The following CDCA7L variants were observed in gnomAD, a reference collection of about 807,000 sequenced individuals.
CDCA7L encodes the protein cell division cycle-associated 7-like protein.
CDCA7L carries 44 observed loss-of-function variants against 57.4 expected under a neutral mutation model. That is an observed-to-expected ratio of 0.77 (90% CI 0.60 to 0.98). The LOEUF (loss-of-function observed/expected upper bound fraction) is 0.98. Ranked by LOEUF, CDCA7L falls within the 50% of genes least tolerant of loss-of-function variation. The pLI, the probability that CDCA7L is intolerant of heterozygous loss-of-function variation, is 0.00. For missense variants in CDCA7L, 644 were observed against 580.6 expected, an observed-to-expected ratio of 1.11 and a Z score of -1.12; for synonymous variants, 236 against 202.8, an observed-to-expected ratio of 1.16 and a Z score of -1.39.
chr7:21,902,182 CTTTAACAAAAAATAGTAAT>C lies in CDCA7L; in HGVS notation c.*121_*139del. Reference sequence around the variant, plus strand: ...AAATCTTTGTAAGCATATAAACAATCTTTAACAAAAAATAGTAATTTCTACAAAGAATTTCTGTATAAAA... The same window carrying C: ...AAATCTTTGTAAGCATATAAACAATCTTCTACAAAGAATTTCTGTATAAAA... On this transcript the variant is annotated 3_prime_UTR_variant, in exon 10 of 10. Coordinates refer to ENST00000406877, the MANE Select transcript of CDCA7L (RefSeq NM_018719.5). 1.5e-5 allele frequency: 13 copies of C among 843,232 alleles called. No homozygotes were observed. In the South Asian group the frequency reaches 1.9e-4, roughly 13 times the overall value. The allele number at this position is 843,232 out of a possible 1,614,324, so 52.2% of individuals were successfully genotyped here. A position where few individuals can be genotyped will look rare whatever the true frequency, so the allele number is the denominator to read the frequency against.
chr7:21,917,768 C>A (rs1424801041), intron 1 of CDCA7L, among the ~76,000 whole-genome samples: 1 of 152,188 alleles, frequency 6.6e-6, no homozygotes, highest in African/African-American at 2.4e-5. Context: ...TATTCCCACA[C>A]ATTGATTAAA....
rs759370631 is a variant in CDCA7L at position 21,908,321 on chromosome 7, C to T, written c.490G>A (p.Glu164Lys). 5.6e-6 allele frequency: 9 copies of T among 1,608,674 alleles called. No homozygotes were observed. The highest frequency in any genetic ancestry group is 1.3e-5 in the African/African-American group (1 of 74,270). Residue 164 changes from glutamate to lysine, a missense_variant, in exon 4 of 10, where the codon GAG becomes AAG. Physicochemically the swap from Glu to Lys is moderately conservative, Grantham distance 56. Transcript: ENST00000406877. ...AAGCGTGCGCTAGAAAACAACTGCTCGGAAGAACTGTTTTTATCTGGTTTG... is the reference window on the plus strand; with the variant it reads ...AAGCGTGCGCTAGAAAACAACTGCTTGGAAGAACTGTTTTTATCTGGTTTG... ...ANKPDKNSSS[E>K]QLFSSARLQN... is the part of the protein sequence containing the mutation.
At chr7:21,934,595 T>G (rs1032654976) in intron 1 of CDCA7L, among the ~76,000 whole-genome samples, 1 of 152,166 alleles carries the variant, frequency 6.6e-6, no homozygotes, top group African/African-American at 2.4e-5. Flanking sequence ...TAAATTTAAA[T>G]GTGTTAAACT....
At chr7:21,943,847 G>T (rs576931123) in intron 1 of CDCA7L, among the ~76,000 whole-genome samples, 14 of 152,082 alleles carry the variant, frequency 9.2e-5, no homozygotes, top group African/African-American at 3.1e-4. Context: ...TAACATTTTA[G>T]AACTACCAAA....
intron 1 of CDCA7L, among the ~76,000 whole-genome samples, chr7:21,940,562 G>C (rs1786309406): frequency 6.6e-6 from 1 of 152,180 alleles, no homozygotes; most frequent in African/African-American, 2.4e-5. Context: ...TGTGATCAGG[G>C]AAGTCAGCCC....
intron 1 of CDCA7L, among the ~76,000 whole-genome samples, chr7:21,928,155 A>T (rs1401850214): frequency 6.6e-6 from 1 of 152,100 alleles, no homozygotes; most frequent in African/African-American, 2.4e-5. Context: ...GCAACCTCGC[A>T]AACGGTCTGG....
intron 1 of CDCA7L, among the ~76,000 whole-genome samples, chr7:21,937,181 A>C (rs1426795335): frequency 6.6e-6 from 1 of 152,226 alleles, no homozygotes; most frequent in Non-Finnish European, 1.5e-5. Flanking sequence ...ATGTTCATGG[A>C]TTGGAAGGCT....
chr7:21,903,165 C>CAAGAACTGGG, intron 8 of CDCA7L, 51 bp from the exon 9 acceptor site: 1 of 1,571,064 alleles, frequency 6.4e-7, no homozygotes. Context: ...CAGGGTCTGG[C>CAAGAACTGGG]AAGAACTGGG....
chr7:21,916,691 A>C, intron 2 of CDCA7L, 63 bp downstream of exon 2: 2 of 1,499,224 alleles, frequency 1.3e-6, no homozygotes, highest in Non-Finnish European at 1.8e-6. Context: ...CAAATAAAAG[A>C]ACATCCAAAC....
At chr7:21,928,679 C>G (rs1316694226) in intron 1 of CDCA7L, among the ~76,000 whole-genome samples, 1 of 151,038 alleles carries the variant, frequency 6.6e-6, no homozygotes, top group African/African-American at 2.4e-5. Flanking sequence ...ATAGCCAAAT[C>G]GATCAAGCAG....
At chr7:21,937,464 A>G (rs1786204448) in intron 1 of CDCA7L, among the ~76,000 whole-genome samples, 1 of 151,946 alleles carries the variant, frequency 6.6e-6, no homozygotes, top group Non-Finnish European at 1.5e-5. Flanking sequence ...GTGAAACCCC[A>G]TCTCTACTAA....
chr7:21,916,151 T>C (rs1438655005), intron 2 of CDCA7L, among the ~76,000 whole-genome samples: 2 of 152,114 alleles, frequency 1.3e-5, no homozygotes, highest in Non-Finnish European at 2.9e-5. Flanking sequence ...GAATGAGGAA[T>C]TTTGAGTGCC....
rs764648693 is a variant in CDCA7L at position 21,911,732 on chromosome 7, T to G, written c.188A>C (p.Lys63Thr). The change falls in exon 3 of 10, where the codon AAA (lysine) becomes ACA (threonine). Residue 63 changes from lysine to threonine, a missense_variant. Coordinates refer to ENST00000406877, the MANE Select transcript of CDCA7L (RefSeq NM_018719.5). ...TCTTCTTAGCTCTTCTGTGAAGTATTTGGAATGAAAGCGCACATCCTGCTA... is the reference window on the plus strand; with the variant it reads ...TCTTCTTAGCTCTTCTGTGAAGTATGTGGAATGAAAGCGCACATCCTGCTA... ...GKQQDVRFHS[K>T]YFTEELRRIF... The G allele has an allele frequency of 1.3e-5, 21 of 1,613,080 alleles. No homozygotes were observed. In the South Asian group the frequency reaches 2.0e-4, roughly 15 times the overall value.
intron 1 of CDCA7L, among the ~76,000 whole-genome samples, chr7:21,935,498 C>G (rs944674453): frequency 2.0e-5 from 3 of 151,012 alleles, no homozygotes; most frequent in African/African-American, 7.3e-5. Context: ...CACACCAAAC[C>G]CAAAGTTAGC....
intron 1 of CDCA7L, among the ~76,000 whole-genome samples, chr7:21,924,701 C>G (rs1418816640): frequency 6.6e-6 from 1 of 152,050 alleles, no homozygotes; most frequent in Non-Finnish European, 1.5e-5. Flanking sequence ...TCTTAAGATA[C>G]AACACCAGAT....
chr7:21,900,921 A>G lies in CDCA7L; in HGVS notation c.*1401T>C. The G allele has an allele frequency of 1.4e-6, 2 of 1,435,216 alleles. No individual in the cohort carries two copies. The highest frequency in any genetic ancestry group is 1.8e-6 in the Non-Finnish European group (2 of 1,092,808). 88.9% of individuals were successfully genotyped at this position (1,435,216 alleles called of 1,614,324 possible). On this transcript the variant is annotated 3_prime_UTR_variant, in exon 10 of 10. Coordinates refer to ENST00000406877, the MANE Select transcript of CDCA7L (RefSeq NM_018719.5). ...AAATATGACAAAACCAGAATGTTGA[A>G]TGTTTATTGCATCAAACAACTTACT...
chr7:21,931,846 A>G (rs1470662832), intron 1 of CDCA7L, among the ~76,000 whole-genome samples: 1 of 152,248 alleles, frequency 6.6e-6, no homozygotes, highest in Non-Finnish European at 1.5e-5. Flanking sequence ...AAAGTATTCA[A>G]ATAGGAAGAG....
At chr7:21,937,399 C>G (rs1243797252) in intron 1 of CDCA7L, among the ~76,000 whole-genome samples, 1 of 152,120 alleles carries the variant, frequency 6.6e-6, no homozygotes, top group Non-Finnish European at 1.5e-5. Flanking sequence ...CTTTGGGAGG[C>G]TGAGGTGGGC....
intron 9 of CDCA7L, chr7:21,902,708 C>CATTTCTGTCATACACCT: frequency 8.2e-6 from 4 of 488,176 alleles, no homozygotes; most frequent in Non-Finnish European, 1.1e-5. Flanking sequence ...TTGTTTGTTC[C>CATTTCTGTCATACACCT]TTCCATTTCT....
Sources: allele counts gnomAD v4.1 joint callset (sites outside exome capture counted in the v4.1 genomes callset), GRCh38; gene constraint gnomAD v4.1.1; transcripts MANE v1.5; gene names NCBI Gene and HGNC (gene_info 2026-07-23, HGNC 2026-07-21).